The following TECTA variants were observed in gnomAD, a reference collection of about 807,000 sequenced individuals.
TECTA encodes alpha-tectorin.
Under a neutral mutation model 216.8 loss-of-function variants are expected in TECTA, and 128 were observed. The ratio of observed to expected loss-of-function variants is 0.59; its 90% CI spans 0.51 to 0.68. The LOEUF is 0.68. Ranked by LOEUF, TECTA falls within the 30% of genes least tolerant of loss-of-function variation. The pLI is 0.00. For missense variants in TECTA, 2,551 were observed against 2,786.2 expected (o/e 0.92, Z 1.90); for synonymous variants, 1,089 against 1,117.1 (o/e 0.97, Z 0.50).
At position 121,113,791 on chromosome 11, in the gene TECTA, C is replaced by T. The variant is rs191557408; in HGVS notation, c.790+73C>T. On this transcript the variant is annotated intron_variant, in intron 6 of 23. Coordinates refer to ENST00000392793, the MANE Select transcript of TECTA (RefSeq NM_005422.4). The surrounding 1 kb of genome is among the most constrained non-coding windows in gnomAD (Gnocchi z 4.2). The stretch of plus-strand genomic sequence containing the variant: ...GATTGACAGGCAAGCTTTTAAGCCA[C>T]GGGGGCGGACTCATTCCTGATGCCT... The T allele has an allele frequency of 1.3e-4, 208 of 1,566,298 alleles. No individual in the cohort carries two copies. In the African/African-American group the frequency reaches 2.6e-3, roughly 20 times the overall value.
chr11:121,135,195 A>G (rs1946714172), intron 10 of TECTA, among the ~76,000 whole-genome samples: 1 of 152,220 alleles, frequency 6.6e-6, no homozygotes, highest in East Asian at 1.9e-4. Context: ...GCTGTGAATC[A>G]GGAACACAAT....
intron 10 of TECTA, 47 bp downstream of exon 10, chr11:121,130,258 G>A (rs1194802997): frequency 1.3e-6 from 2 of 1,589,836 alleles, no homozygotes; most frequent in African/African-American, 2.7e-5. Flanking sequence ...CTGGGAAATA[G>A]GTGCCATGCT....
rs143302176 is a variant in TECTA, at chr11:121,189,171, T to C, written c.6250+4T>C. The C allele has an allele frequency of 1.4e-3, 2,319 of 1,613,560 alleles. 32 individuals are homozygous for C. In the African/African-American group the frequency reaches 0.025, roughly 18 times the overall value. Reference sequence around the variant, plus strand: ...GTGGGACCTATTAGGAGAAAAAGTATGTATGTTCCCTAAAACACACCCTAA... The same window carrying C: ...GTGGGACCTATTAGGAGAAAAAGTACGTATGTTCCCTAAAACACACCCTAA... On this transcript the variant is annotated splice_donor_region_variant and intron_variant, in intron 22 of 23. Coordinates refer to ENST00000392793, the MANE Select transcript of TECTA (RefSeq NM_005422.4).
chr11:121,103,201 TTAAA>T (rs1412040410), intron 2 of TECTA, among the ~76,000 whole-genome samples: 3 of 152,306 alleles, frequency 2.0e-5, no homozygotes, highest in South Asian at 2.1e-4. Context: ...AATCTAAAAC[TTAAA>T]TAAGACAATT....
In TECTA at chr11:121,118,699, G is replaced by A. The variant is rs956262010; in HGVS notation, c.1184G>A (p.Gly395Glu). 6.2e-7 allele frequency: 1 copy of A among 1,613,828 alleles called. No individual in the cohort carries two copies. Among genetic ancestry groups the A allele is most frequent in the Non-Finnish European group, 8.5e-7 (1 of 1,180,038 alleles). Reference sequence around the variant, plus strand: ...GGCTACAAGATTCTCATCCCCAAAGGAAGCTATGGAAGAGTCAAGGTGAGC... The same window carrying A: ...GGCTACAAGATTCTCATCCCCAAAGAAAGCTATGGAAGAGTCAAGGTGAGC... The part of the protein sequence containing the change: ...VNGYKILIPK[G>E]SYGRVKVNDL... The change falls in exon 7 of 24, where the codon GGA becomes GAA. Residue 395 changes from glycine to glutamate, a missense_variant. This residue lies in a region of TECTA where 2,375 missense variants were observed against 2,563.9 expected (regional missense o/e 0.93). Coordinates refer to ENST00000392793, the MANE Select transcript of TECTA (RefSeq NM_005422.4).
intron 6 of TECTA, among the ~76,000 whole-genome samples, chr11:121,115,450 T>C (rs1179465432): frequency 6.6e-6 from 1 of 152,050 alleles, no homozygotes; most frequent in Non-Finnish European, 1.5e-5. Context: ...ATAAGACATA[T>C]TATGGTAGAC....
chr11:121,176,822 T>C (rs1947172331), intron 20 of TECTA, among the ~76,000 whole-genome samples: 1 of 152,102 alleles, frequency 6.6e-6, no homozygotes, highest in Non-Finnish European at 1.5e-5. Context: ...CAATCAGACA[T>C]AGATTTGGTC....
At chr11:121,171,041 T>C (rs1321568723) in intron 20 of TECTA, among the ~76,000 whole-genome samples, 1 of 152,226 alleles carries the variant, frequency 6.6e-6, no homozygotes, top group Non-Finnish European at 1.5e-5. Flanking sequence ...TGTTTTCTTC[T>C]AGTAGCTTTA....
intron 19 of TECTA, 113 bp from the exon 20 acceptor site, chr11:121,168,564 A>G: frequency 6.7e-7 from 1 of 1,502,466 alleles, no homozygotes; most frequent in Non-Finnish European, 9.2e-7. Context: ...ACAGCCTTAG[A>G]CTTTGCTACT....
chr11:121,177,545 CAG>C (rs1947180286), intron 20 of TECTA, among the ~76,000 whole-genome samples: 1 of 152,168 alleles, frequency 6.6e-6, no homozygotes. Context: ...AGTTTTGTCT[CAG>C]AGGAGTACCC....
chr11:121,113,337 G>C lies in TECTA; in HGVS notation c.624+128G>C, dbSNP rs1323807590. 2 of 1,536,786 alleles carry C rather than the reference G, an allele frequency of 1.3e-6. No individual in the cohort carries two copies. Among genetic ancestry groups the C allele is most frequent in the African/African-American group, 2.7e-5 (2 of 73,252 alleles). On this transcript the variant is annotated intron_variant, in intron 5 of 23. Coordinates refer to ENST00000392793, the MANE Select transcript of TECTA (RefSeq NM_005422.4). This position sits in a 1 kb window ranked among gnomAD's most constrained non-coding sequence, Gnocchi z 4.2. ...GAGACGCAGGTCTGATCTCGCAGGT[G>C]GACTACGAGGCTAGTCCTGCCCATG...
chr11:121,165,316 C>G lies in TECTA; in HGVS notation c.5316C>G (p.Asn1772Lys), dbSNP rs1017796972. Residue 1772 changes from asparagine (N) to lysine (K), a missense_variant, in exon 17 of 24, where the codon AAC (asparagine) becomes AAG (lysine). Physicochemically the swap from Asn to Lys is moderately conservative, Grantham distance 94. This residue lies in a region of TECTA where 2,375 missense variants were observed against 2,563.9 expected (regional missense o/e 0.93). Coordinates refer to ENST00000392793, the MANE Select transcript of TECTA (RefSeq NM_005422.4). ...EDPCVGADCPNRTCELGNGRE... is the reference protein window; with the variant it reads ...EDPCVGADCPKRTCELGNGRE... ...CCTGTGTGGGGGCGGACTGTCCCAA[C>G]CGAACTTGCGAGCTGGGCAATGGCA... The G allele has an allele frequency of 6.2e-7, 1 of 1,608,790 alleles. No individual in the cohort carries two copies. The highest frequency in any genetic ancestry group is 2.2e-5 in the East Asian group (1 of 44,830).
chr11:121,127,697 TAG>T lies in TECTA; in HGVS notation c.1775-54_1775-53del, dbSNP rs2135080786. On this transcript the variant is annotated intron_variant, in intron 8 of 23. Coordinates refer to ENST00000392793, the MANE Select transcript of TECTA (RefSeq NM_005422.4). The surrounding 1 kb of genome is among the most constrained non-coding windows in gnomAD (Gnocchi z 5.0). ...GAGGAGCGTTAAGATTCTGGCGGGT[TAG>T]CACTCCGGGTCCATTCACCTTGTTA... is the stretch of plus-strand genomic sequence containing the variant. 6.3e-7 allele frequency: 1 copy of T among 1,597,784 alleles called. No homozygotes were observed. Among genetic ancestry groups the T allele is most frequent in the African/African-American group, 1.3e-5 (1 of 74,694 alleles).
intron 10 of TECTA, among the ~76,000 whole-genome samples, chr11:121,134,354 C>T (rs2135091238): frequency 6.6e-6 from 1 of 152,222 alleles, no homozygotes; most frequent in South Asian, 2.1e-4. Context: ...CACACGCACA[C>T]ACTTCTTTTT....
At chr11:121,187,067 C>A (rs1307512072) in intron 20 of TECTA, among the ~76,000 whole-genome samples, 1 of 152,084 alleles carries the variant, frequency 6.6e-6, no homozygotes, top group Non-Finnish European at 1.5e-5. Flanking sequence ...GACTAGGGGA[C>A]ATTTATAGAA....
At chr11:121,110,463 G>A (rs1946431955) in intron 4 of TECTA, 1 of 152,202 alleles carries the variant, frequency 6.6e-6, no homozygotes, top group African/African-American at 2.4e-5. Context: ...GCGACACCAC[G>A]AACACATTAT....
rs765810659 is a variant in TECTA at position 121,189,185 on chromosome 11, A to AT, written c.6250+18_6250+19insT. 3.1e-6 allele frequency: 5 copies of AT among 1,609,770 alleles called. No individual in the cohort carries two copies. The highest frequency in any genetic ancestry group is 2.7e-5 in the African/African-American group (2 of 74,804). ...GAGAAAAAGTATGTATGTTCCCTAAAACACACCCTAAATTATTAAAACAAC... is the reference window on the plus strand; with the variant it reads ...GAGAAAAAGTATGTATGTTCCCTAAATACACACCCTAAATTATTAAAACAAC... On this transcript the variant is annotated intron_variant, in intron 22 of 23. Transcript: ENST00000392793.
At chr11:121,121,330 C>T (rs1404078518) in intron 7 of TECTA, among the ~76,000 whole-genome samples, 2 of 152,200 alleles carry the variant, frequency 1.3e-5, no homozygotes, top group East Asian at 1.9e-4. Flanking sequence ...CCTCCCCCTG[C>T]CCCTACCCAC....
chr11:121,112,455 A>T (rs1303897037), intron 4 of TECTA, among the ~76,000 whole-genome samples: 1 of 152,226 alleles, frequency 6.6e-6, no homozygotes. Context: ...GGTACAGATG[A>T]ATGTTAACGA....
Sources: gnomAD v4.1 joint callset for allele counts (sites outside exome capture counted in the v4.1 genomes callset) on GRCh38, gnomAD v4.1.1 for gene constraint, gnomAD v4.1.1 regional missense constraint, Gnocchi (gnomAD v3.1) non-coding constraint, MANE v1.5 for transcripts, NCBI Gene and HGNC (gene_info 2026-07-23, HGNC 2026-07-21) for gene names.